The following B3GALT1 variants were observed in gnomAD, a reference collection of about 807,000 sequenced individuals.
The protein encoded by B3GALT1 is beta-1,3-galactosyltransferase 1.
Under a neutral mutation model 23.2 loss-of-function variants are expected in B3GALT1, and 10 were observed. That is an observed-to-expected ratio of 0.43 (90% CI 0.27 to 0.73). The LOEUF (loss-of-function observed/expected upper bound fraction) is 0.73, where lower values mean the gene tolerates loss of function less well. Ranked by LOEUF, B3GALT1 falls within the 30% of genes least tolerant of loss-of-function variation. The probability of loss-of-function intolerance (pLI) is 0.21; values close to 1 mark genes in which losing one functional copy is unlikely to be tolerated. For synonymous variants in B3GALT1, 156 were observed against 141.5 expected (o/e 1.10, Z -0.73); for missense variants, 299 against 405.4 (o/e 0.74, Z 2.25).
chr2:167,619,198 A>G (rs1422457084), intron 2 of B3GALT1, among the ~76,000 whole-genome samples: 1 of 151,910 alleles, frequency 6.6e-6, no homozygotes, highest in Non-Finnish European at 1.5e-5. Flanking sequence ...TCTATAGGTT[A>G]TACTATTGAT....
chr2:167,441,155 G>A (rs1032194445), intron 1 of B3GALT1, among the ~76,000 whole-genome samples: 1 of 152,156 alleles, frequency 6.6e-6, no homozygotes, highest in African/African-American at 2.4e-5. Context: ...CTAGCATTGC[G>A]TGCATGACTA....
At chr2:167,532,271 G>T (rs1013374601) in intron 2 of B3GALT1, among the ~76,000 whole-genome samples, 4 of 152,054 alleles carry the variant, frequency 2.6e-5, no homozygotes, top group Admixed American at 2.6e-4. Context: ...TTTAATTTTA[G>T]TGCTGTTTGG....
intron 4 of B3GALT1, among the ~76,000 whole-genome samples, chr2:167,848,784 G>T (rs555198482): frequency 6.6e-6 from 1 of 152,196 alleles, no homozygotes; most frequent in Non-Finnish European, 1.5e-5. Context: ...CATCCAAATT[G>T]GTAAAGAGGA....
intron 2 of B3GALT1, among the ~76,000 whole-genome samples, chr2:167,540,196 G>A (rs190566547): frequency 6.6e-6 from 1 of 152,016 alleles, no homozygotes; most frequent in African/African-American, 2.4e-5. Context: ...TAGTCCAGGG[G>A]TTACCAAGAC....
At chr2:167,755,710 G>A (rs1304244896) in intron 3 of B3GALT1, among the ~76,000 whole-genome samples, 3 of 152,024 alleles carry the variant, frequency 2.0e-5, no homozygotes, top group Admixed American at 2.0e-4. Flanking sequence ...GCTCACTCCT[G>A]TACTCTTAGT....
chr2:167,509,282 A>G lies in B3GALT1; in HGVS notation c.-410+19005A>G, dbSNP rs140779467. 3.6e-3 allele frequency among the ~76,000 whole-genome samples: 547 copies of G among 152,322 alleles called. 3 individuals are homozygous for G. Among genetic ancestry groups the G allele is most frequent in the African/African-American group, 0.013 (520 of 41,576 alleles). ...CAAAATTGACCCTCATGCATAGTAAATATCAAATGAAATGACACATATGCA... is the reference window on the plus strand; with the variant it reads ...CAAAATTGACCCTCATGCATAGTAAGTATCAAATGAAATGACACATATGCA... On this transcript the variant is annotated intron_variant, in intron 2 of 4. Transcript: ENST00000392690.
chr2:167,763,850 CAT>C (rs1206379815), intron 3 of B3GALT1, among the ~76,000 whole-genome samples: 9 of 152,042 alleles, frequency 5.9e-5, no homozygotes, highest in Non-Finnish European at 2.9e-5. Context: ...CAAAGGAAAA[CAT>C]GGCCTACAAG....
At chr2:167,687,869 C>T (rs943476973) in intron 3 of B3GALT1, among the ~76,000 whole-genome samples, 42 of 151,974 alleles carry the variant, frequency 2.8e-4, no homozygotes, top group African/African-American at 8.7e-4. Context: ...CAAAATCATA[C>T]GATAGGCGAT....
At chr2:167,418,430 C>T in intron 1 of B3GALT1, among the ~76,000 whole-genome samples, 1 of 151,766 alleles carries the variant, frequency 6.6e-6, no homozygotes, top group East Asian at 1.9e-4. Flanking sequence ...AAAAAAAGAG[C>T]TCATGTTTTT....
intron 4 of B3GALT1, among the ~76,000 whole-genome samples, chr2:167,832,840 A>T (rs1689379543): frequency 6.6e-6 from 1 of 152,234 alleles, no homozygotes; most frequent in Non-Finnish European, 1.5e-5. Flanking sequence ...GTACAAAGCA[A>T]CGTAAAGTAA....
chr2:167,505,840 A>T (rs985913074), intron 2 of B3GALT1, among the ~76,000 whole-genome samples: 2 of 152,120 alleles, frequency 1.3e-5, no homozygotes, highest in African/African-American at 4.8e-5. Flanking sequence ...CAGGCAGATC[A>T]CTTGAGGCCA....
intron 2 of B3GALT1, among the ~76,000 whole-genome samples, chr2:167,566,551 T>A (rs577638806): frequency 2.3e-5 from 3 of 131,344 alleles, no homozygotes; most frequent in African/African-American, 5.5e-5. Context: ...AAATAAACTT[T>A]AAAAAAAAAG....
At chr2:167,366,350 G>A (rs1172492714) in intron 1 of B3GALT1, among the ~76,000 whole-genome samples, 1 of 152,158 alleles carries the variant, frequency 6.6e-6, no homozygotes, top group Non-Finnish European at 1.5e-5. Context: ...TGCTAACAGT[G>A]AATAGGCTCA....
At chr2:167,677,192 A>G (rs1280415085) in intron 3 of B3GALT1, among the ~76,000 whole-genome samples, 2 of 152,162 alleles carry the variant, frequency 1.3e-5, no homozygotes, top group South Asian at 2.1e-4. Context: ...TGTATTCAGA[A>G]TTTTTGTGAA....
At chr2:167,408,924 T>C (rs145886310) in intron 1 of B3GALT1, among the ~76,000 whole-genome samples, 1 of 151,910 alleles carries the variant, frequency 6.6e-6, no homozygotes, top group African/African-American at 2.4e-5. Context: ...AGAATTAATA[T>C]TGTGAAAATG....
chr2:167,862,697 C>T (rs1203261587), intron 4 of B3GALT1: 1 of 152,284 alleles, frequency 6.6e-6, no homozygotes, highest in African/African-American at 2.4e-5. Context: ...ACACTACCCA[C>T]CCGCTCCTAG....
intron 2 of B3GALT1, among the ~76,000 whole-genome samples, chr2:167,491,665 A>AG (rs1366501063): frequency 6.6e-6 from 1 of 151,820 alleles, no homozygotes; most frequent in Non-Finnish European, 1.5e-5. Context: ...ATACAAAAAA[A>AG]TTACCCAGGC....
intron 4 of B3GALT1, among the ~76,000 whole-genome samples, chr2:167,823,489 T>G (rs1410948631): frequency 1.3e-5 from 2 of 152,190 alleles, no homozygotes; most frequent in East Asian, 1.9e-4. Context: ...GGAATGCCAT[T>G]TTCTCATTTG....
chr2:167,351,201 G>A (rs557082304), intron 1 of B3GALT1, among the ~76,000 whole-genome samples: 9 of 151,456 alleles, frequency 5.9e-5, no homozygotes, highest in East Asian at 3.9e-4. Context: ...CCTGGAAAGC[G>A]GAGGTTGCAG....
Sources: gnomAD v4.1 joint callset for allele counts (sites outside exome capture counted in the v4.1 genomes callset) on GRCh38, gnomAD v4.1.1 for gene constraint, MANE v1.5 for transcripts, NCBI Gene and HGNC (gene_info 2026-07-23, HGNC 2026-07-21) for gene names.